Variants in ARL15 observed in about 807,000 individuals in gnomAD.
ARL15 encodes ARF like GTPase 15, also known as ADP-ribosylation factor-like protein 15.
In ARL15, 19 loss-of-function variants were observed where a neutral mutation model predicts 25.2. That is an observed-to-expected ratio of 0.75 (90% CI 0.53 to 1.10). ARL15 has a LOEUF of 1.10. Ranked by LOEUF, ARL15 falls within the 50% of genes least tolerant of loss-of-function variation. The probability of loss-of-function intolerance (pLI) is 0.00; values close to 1 mark genes in which losing one functional copy is unlikely to be tolerated. For synonymous variants in ARL15, 94 were observed against 86.8 expected, an observed-to-expected ratio of 1.08 and a Z score of -0.46; for missense variants, 220 against 246.0, an observed-to-expected ratio of 0.89 and a Z score of 0.71.
intron 4 of ARL15, among the ~76,000 whole-genome samples, chr5:54,103,391 C>A (rs1331012441): frequency 3.3e-5 from 5 of 151,972 alleles, no homozygotes; most frequent in Non-Finnish European, 5.9e-5. Flanking sequence ...TGCCTCATAT[C>A]TTCACTCAAA....
chr5:54,212,834 G>C (rs981714), intron 1 of ARL15, among the ~76,000 whole-genome samples: 25,368 of 152,126 alleles, frequency 0.17, 2,548 homozygotes, highest in Admixed American at 0.3. Context: ...GTGATTTAAT[G>C]GGGGGGAGAT....
intron 4 of ARL15, among the ~76,000 whole-genome samples, chr5:54,059,686 G>T (rs1751003771): frequency 6.6e-6 from 1 of 152,182 alleles, no homozygotes; most frequent in Non-Finnish European, 1.5e-5. Flanking sequence ...AGGACACTTT[G>T]CTTGATAGTA....
At chr5:54,110,725 T>A (rs923065729) in intron 4 of ARL15, among the ~76,000 whole-genome samples, 4 of 152,042 alleles carry the variant, frequency 2.6e-5, no homozygotes, top group African/African-American at 9.6e-5. Context: ...GTTATCTAAA[T>A]ACATTTCTAG....
intron 1 of ARL15, among the ~76,000 whole-genome samples, chr5:54,229,191 A>G (rs1305580811): frequency 1.3e-5 from 2 of 152,212 alleles, no homozygotes; most frequent in Non-Finnish European, 2.9e-5. Context: ...TAGCCTTCCT[A>G]GAAAACAATG....
chr5:54,030,501 A>T (rs1363056889), intron 4 of ARL15, among the ~76,000 whole-genome samples: 1 of 152,222 alleles, frequency 6.6e-6, no homozygotes, highest in African/African-American at 2.4e-5. Flanking sequence ...GAGATGTGAT[A>T]GGGAGTGACT....
intron 1 of ARL15, among the ~76,000 whole-genome samples, chr5:54,205,548 G>A (rs2112493537): frequency 6.6e-6 from 1 of 152,296 alleles, no homozygotes; most frequent in South Asian, 2.1e-4. Flanking sequence ...CCGAAGAGCA[G>A]TTCTTTGCCT....
At chr5:54,223,165 G>A (rs986445205) in intron 1 of ARL15, among the ~76,000 whole-genome samples, 1 of 151,484 alleles carries the variant, frequency 6.6e-6, no homozygotes, top group Non-Finnish European at 1.5e-5. Context: ...AAGGGTAAAT[G>A]TCCTCCCTCC....
At chr5:54,083,813 G>C (rs1420260787) in intron 4 of ARL15, among the ~76,000 whole-genome samples, 1 of 151,986 alleles carries the variant, frequency 6.6e-6, no homozygotes, top group Non-Finnish European at 1.5e-5. Context: ...ATTTAATCTG[G>C]GAGTTTTTGT....
At chr5:54,067,678 T>A (rs1187642456) in intron 4 of ARL15, among the ~76,000 whole-genome samples, 2 of 152,178 alleles carry the variant, frequency 1.3e-5, no homozygotes, top group Non-Finnish European at 2.9e-5. Context: ...CAATTTAGTT[T>A]TTTCCTCTCA....
intron 4 of ARL15, among the ~76,000 whole-genome samples, chr5:53,961,359 A>G (rs947007064): frequency 1.1e-4 from 17 of 151,858 alleles, no homozygotes; most frequent in African/African-American, 3.6e-4. Flanking sequence ...TTAGCCAGGT[A>G]TGGTGGCACA....
chr5:54,102,213 T>C (rs1382607339), intron 4 of ARL15, among the ~76,000 whole-genome samples: 2 of 152,120 alleles, frequency 1.3e-5, no homozygotes, highest in Non-Finnish European at 2.9e-5. Flanking sequence ...GGTTTCACCA[T>C]GTCGGCCAGG....
intron 4 of ARL15, among the ~76,000 whole-genome samples, chr5:53,981,141 T>C (rs1486289676): frequency 6.6e-6 from 1 of 152,158 alleles, no homozygotes; most frequent in Admixed American, 6.5e-5. Context: ...GAGAATCTTA[T>C]ATTTCAAGAA....
intron 1 of ARL15, among the ~76,000 whole-genome samples, chr5:54,237,688 CTG>C (rs1756846021): frequency 6.6e-6 from 1 of 152,200 alleles, no homozygotes; most frequent in Non-Finnish European, 1.5e-5. Context: ...GTTTTTAAGA[CTG>C]TTACCACCTG....
At chr5:53,988,079 G>A (rs1300047695) in intron 4 of ARL15, among the ~76,000 whole-genome samples, 1 of 151,718 alleles carries the variant, frequency 6.6e-6, no homozygotes, top group Non-Finnish European at 1.5e-5. Flanking sequence ...CTCCAGCCTG[G>A]GCGACAGAGT....
intron 1 of ARL15, among the ~76,000 whole-genome samples, chr5:54,231,816 A>G (rs915012380): frequency 2.0e-5 from 3 of 152,154 alleles, no homozygotes; most frequent in Non-Finnish European, 2.9e-5. Context: ...GGACACTAGT[A>G]GTATCAGATT....
intron 4 of ARL15, among the ~76,000 whole-genome samples, chr5:54,029,322 AC>A (rs1749890979): frequency 1.3e-4 from 15 of 118,242 alleles, no homozygotes; most frequent in Admixed American, 4.2e-4. Context: ...CACCACCACC[AC>A]CACCACCACT....
intron 3 of ARL15, among the ~76,000 whole-genome samples, chr5:54,124,737 T>G (rs761958387): frequency 4.6e-5 from 7 of 152,226 alleles, no homozygotes; most frequent in Non-Finnish European, 1.0e-4. Flanking sequence ...ATACTTGCCA[T>G]AATGGCATCA....
Position 54,113,186 on chromosome 5 carries a change from T to C in ARL15, c.462+16A>G, listed in dbSNP as rs776986619. On this transcript the variant is annotated intron_variant, in intron 4 of 4. Coordinates refer to ENST00000504924, the MANE Select transcript of ARL15 (RefSeq NM_019087.3). ...AAGCAAGGAAGACAAAGAGTTGTCA[T>C]GCTAATGAGACATACCTCTTGTACT... 6.2e-6 allele frequency: 10 copies of C among 1,610,992 alleles called. No individual in the cohort carries two copies. The South Asian group carries it at 1.1e-4, about 18-fold the overall frequency.
At chr5:53,954,316 T>G (rs528453364) in intron 4 of ARL15, among the ~76,000 whole-genome samples, 22 of 152,356 alleles carry the variant, frequency 1.4e-4, no homozygotes, top group African/African-American at 4.8e-4. Context: ...TACCTTCCTC[T>G]GTCTTGGGAT....
Sources: gnomAD v4.1 joint callset for allele counts (sites outside exome capture counted in the v4.1 genomes callset) on GRCh38, gnomAD v4.1.1 for gene constraint, MANE v1.5 for transcripts, NCBI Gene and HGNC (gene_info 2026-07-23, HGNC 2026-07-21) for gene names.